ARL14EP: variants seen among roughly 807,000 people sequenced by gnomAD.
ARL14EP encodes the protein ARF like GTPase 14 effector protein.
Under a neutral mutation model 23.1 loss-of-function variants are expected in ARL14EP, and 12 were observed. The observed-to-expected ratio is 0.52, with a 90% confidence interval of 0.33 to 0.84. ARL14EP has a LOEUF of 0.84. Among genes scored for constraint, ARL14EP ranks in the 40% least tolerant of loss-of-function variants. ARL14EP has a pLI of 0.02. For missense variants in ARL14EP, 253 were observed against 307.3 expected (o/e 0.82, Z 1.32); for synonymous variants, 97 against 102.0 (o/e 0.95, Z 0.29).
intron 3 of ARL14EP, among the ~76,000 whole-genome samples, chr11:30,333,249 T>C (rs1276356357): frequency 6.6e-6 from 1 of 152,222 alleles, no homozygotes; most frequent in Non-Finnish European, 1.5e-5. Flanking sequence ...ATAATTACAA[T>C]TAAAGTAATT....
intron 1 of ARL14EP, among the ~76,000 whole-genome samples, chr11:30,324,240 G>T (rs1429102900): frequency 6.6e-6 from 1 of 152,050 alleles, no homozygotes; most frequent in Non-Finnish European, 1.5e-5. Flanking sequence ...CCTATGCCAA[G>T]AAAAGCCTTT....
Position 30,331,017 on chromosome 11 carries a change from T to C in ARL14EP, c.69T>C (p.Thr23=). The part of the protein sequence containing the change: ...TTNECHKTYY[T]RHTGFKTLQE... ...ATGAGTGCCATAAAACCTACTATAC[T>C]CGTCACACAGGTTTTAAGACTTTGC... The change falls in exon 2 of 4, where the codon ACT becomes ACC. Residue 23 remains threonine, a synonymous_variant. Coordinates refer to ENST00000282032, the MANE Select transcript of ARL14EP (RefSeq NM_152316.3). 6.2e-7 allele frequency: 1 copy of C among 1,613,890 alleles called. No homozygotes were observed. The highest frequency in any genetic ancestry group is 8.5e-7 in the Non-Finnish European group (1 of 1,179,778).
intron 3 of ARL14EP, 40 bp from the exon 4 acceptor site, chr11:30,336,527 C>A: frequency 1.4e-5 from 20 of 1,430,390 alleles, no homozygotes; most frequent in Non-Finnish European, 1.9e-5. Context: ...TCAAAAATAA[C>A]ATATTTATGA....
In ARL14EP at chr11:30,336,659, G is replaced by A. The variant is rs1301150226; in HGVS notation, c.647G>A (p.Cys216Tyr). The change falls in exon 4 of 4, where the codon TGC (cysteine) becomes TAC (tyrosine). Residue 216 changes from cysteine (C) to tyrosine (Y), a missense_variant. By Grantham distance (194) the Cys-to-Tyr change is radical (BLOSUM62 -2). Coordinates refer to ENST00000282032, the MANE Select transcript of ARL14EP (RefSeq NM_152316.3). ...CTCTGTGACTGCCTGGATGAAGACT[G>A]CTTAGGATGTTTCTATGCTTGTCCT... Reference protein sequence around the residue: ...MDLCDCLDEDCLGCFYACPAC... With the variant: ...MDLCDCLDEDYLGCFYACPAC... 6.2e-7 allele frequency: 1 copy of A among 1,614,172 alleles called. No homozygotes were observed. The highest frequency in any genetic ancestry group is 8.5e-7 in the Non-Finnish European group (1 of 1,180,040).
chr11:30,333,054 A>G, intron 3 of ARL14EP, 61 bp downstream of exon 3: 9 of 1,594,050 alleles, frequency 5.6e-6, no homozygotes, highest in Non-Finnish European at 7.7e-6. Flanking sequence ...TTGTTCCCCT[A>G]TTTTTCTCTT....
chr11:30,331,558 A>C, intron 2 of ARL14EP, 184 bp downstream of exon 2: 1 of 1,435,892 alleles, frequency 7.0e-7, no homozygotes. Flanking sequence ...AGATTGGGGG[A>C]TAAAGAAAGT....
intron 1 of ARL14EP, among the ~76,000 whole-genome samples, chr11:30,324,781 G>T (rs1947224675): frequency 6.6e-6 from 1 of 152,166 alleles, no homozygotes; most frequent in Non-Finnish European, 1.5e-5. Context: ...TGTATGAGGA[G>T]CAAATACTTT....
rs1947276507 is a variant in ARL14EP at position 30,330,892 on chromosome 11, C to G, written c.-57C>G. 12 of 1,519,676 alleles carry G rather than the reference C, an allele frequency of 7.9e-6. No homozygotes were observed. The East Asian group carries it at 2.1e-4, about 26-fold the overall frequency. 94.1% of individuals were successfully genotyped at this position (1,519,676 alleles called of 1,614,324 possible). Reference sequence around the variant, plus strand: ...TCTTTAATATTTTCTCTAGGGTGATCAGCCCATGACCTAAACCTCCAGACA... The same window carrying G: ...TCTTTAATATTTTCTCTAGGGTGATGAGCCCATGACCTAAACCTCCAGACA... On this transcript the variant is annotated 5_prime_UTR_variant, in exon 2 of 4. The change creates a new upstream start codon in the 5' untranslated region. Coordinates refer to ENST00000282032, the MANE Select transcript of ARL14EP (RefSeq NM_152316.3).
chr11:30,336,885 A>T lies in ARL14EP; in HGVS notation c.*90A>T, dbSNP rs1947337535. 1.6e-6 allele frequency: 2 copies of T among 1,238,518 alleles called. No individual in the cohort carries two copies. Among genetic ancestry groups the T allele is most frequent in the Non-Finnish European group, 2.3e-6 (2 of 862,580 alleles). 76.7% of individuals were successfully genotyped at this position (1,238,518 alleles called of 1,614,324 possible). The stretch of plus-strand genomic sequence containing the variant: ...ACATTTTAAGCTTGATTATCATATG[A>T]CAAAGATTTTAAAACCATCTCAGTG... On this transcript the variant is annotated 3_prime_UTR_variant, in exon 4 of 4. Coordinates refer to ENST00000282032, the MANE Select transcript of ARL14EP (RefSeq NM_152316.3).
intron 2 of ARL14EP, chr11:30,331,913 T>A: frequency 1.6e-6 from 1 of 612,158 alleles, no homozygotes; most frequent in Non-Finnish European, 2.0e-6. Context: ...TCTGAATTCC[T>A]ACTTGATATG....
intron 3 of ARL14EP, among the ~76,000 whole-genome samples, chr11:30,335,105 T>G (rs895031520): frequency 9.9e-5 from 15 of 152,224 alleles, no homozygotes; most frequent in African/African-American, 3.6e-4. Context: ...ATTCGAGTCC[T>G]CATGGATGAC....
At chr11:30,331,402 A>T (rs762106406) in intron 2 of ARL14EP, 28 bp downstream of exon 2, 2 of 1,613,392 alleles carry the variant, frequency 1.2e-6, no homozygotes, top group Non-Finnish European at 8.5e-7. Context: ...TTTTTTCTAC[A>T]TTGTGAATTC....
At chr11:30,333,031 C>T (rs1590669019) in intron 3 of ARL14EP, 38 bp downstream of exon 3, 3 of 1,608,772 alleles carry the variant, frequency 1.9e-6, no homozygotes, top group East Asian at 2.2e-5. Flanking sequence ...TAACTTGCTG[C>T]TTCACATCTG....
At chr11:30,327,692 C>T (rs1947247457) in intron 1 of ARL14EP, among the ~76,000 whole-genome samples, 2 of 151,754 alleles carry the variant, frequency 1.3e-5, no homozygotes, top group Middle Eastern at 6.8e-3. Context: ...GGCACGGTGG[C>T]TCATGCCTGT....
rs1205994753 is a variant in ARL14EP at position 30,336,590 on chromosome 11, A to G, written c.578A>G (p.Lys193Arg). The change falls in exon 4 of 4, where the codon AAG (lysine) becomes AGG (arginine). Residue 193 changes from lysine to arginine, a missense_variant. Coordinates refer to ENST00000282032, the MANE Select transcript of ARL14EP (RefSeq NM_152316.3). ...SDRQVIPAKS[K>R]VYDSQGLLIF... Reference sequence around the variant, plus strand: ...AGACAAGTGATACCAGCAAAGAGTAAGGTCTATGATAGCCAGGGTCTCCTG... The same window carrying G: ...AGACAAGTGATACCAGCAAAGAGTAGGGTCTATGATAGCCAGGGTCTCCTG... The G allele has an allele frequency of 6.2e-7, 1 of 1,613,870 alleles. No individual in the cohort carries two copies. Among genetic ancestry groups the G allele is most frequent in the Non-Finnish European group, 8.5e-7 (1 of 1,179,812 alleles).
chr11:30,333,982 C>G (rs1218359872), intron 3 of ARL14EP, among the ~76,000 whole-genome samples: 3 of 152,130 alleles, frequency 2.0e-5, no homozygotes, highest in Non-Finnish European at 4.4e-5. Flanking sequence ...ACAACACATT[C>G]CCTTAAGCAA....
chr11:30,335,685 C>G (rs1023776255), intron 3 of ARL14EP, among the ~76,000 whole-genome samples: 44 of 151,820 alleles, frequency 2.9e-4, no homozygotes, highest in African/African-American at 9.7e-4. Context: ...ACATTTTTTT[C>G]TTAGACATAA....
Position 30,337,750 on chromosome 11 carries a change from G to T in ARL14EP, c.*955G>T, listed in dbSNP as rs1255006080. ...CTGACCCAAACTTAGAAGGAGTATGGCAGTTTGCCGTGAACATAAAAGATG... is the reference window on the plus strand; with the variant it reads ...CTGACCCAAACTTAGAAGGAGTATGTCAGTTTGCCGTGAACATAAAAGATG... On this transcript the variant is annotated 3_prime_UTR_variant, in exon 4 of 4. Coordinates refer to ENST00000282032, the MANE Select transcript of ARL14EP (RefSeq NM_152316.3). The T allele has an allele frequency of 1.3e-5, 2 of 152,180 alleles. No individual in the cohort carries two copies. Among genetic ancestry groups the T allele is most frequent in the African/African-American group, 4.8e-5 (2 of 41,456 alleles). The allele number at this position is 152,180 out of a possible 1,614,324, so 9.4% of individuals were successfully genotyped here.
chr11:30,331,339 A>G lies in ARL14EP; in HGVS notation c.391A>G (p.Thr131Ala), dbSNP rs781109799. Residue 131 changes from threonine (T) to alanine (A), a missense_variant, in exon 2 of 4, where the codon ACT (threonine) becomes GCT (alanine). Thr to Ala is a moderately conservative substitution (Grantham distance 58). Transcript: ENST00000282032. ...QIINGSVDVD[T>A]EDRQKRKPES... Reference sequence around the variant, plus strand: ...AATCAATGGAAGTGTGGATGTTGATACTGAAGACCGCCAGAAAAGGAAACC... The same window carrying G: ...AATCAATGGAAGTGTGGATGTTGATGCTGAAGACCGCCAGAAAAGGAAACC... 1.2e-5 allele frequency: 20 copies of G among 1,613,858 alleles called. No homozygotes were observed. In the Admixed American group the frequency reaches 3.0e-4, roughly 24 times the overall value.
Sources: allele counts gnomAD v4.1 joint callset (sites outside exome capture counted in the v4.1 genomes callset), GRCh38; gene constraint gnomAD v4.1.1; transcripts MANE v1.5; gene names NCBI Gene and HGNC (gene_info 2026-07-23, HGNC 2026-07-21).